KLHL6: variants seen among roughly 807,000 people sequenced by gnomAD.
The protein encoded by KLHL6 is kelch-like protein 6.
KLHL6 carries 41 observed loss-of-function variants against 58.6 expected under a neutral mutation model. The ratio of observed to expected loss-of-function variants is 0.70; its 90% CI spans 0.55 to 0.91. The LOEUF (loss-of-function observed/expected upper bound fraction) is 0.91, where lower values mean the gene tolerates loss of function less well. Ranked by LOEUF, KLHL6 falls within the 40% of genes least tolerant of loss-of-function variation. The probability of loss-of-function intolerance (pLI) is 0.00; values close to 1 mark genes in which losing one functional copy is unlikely to be tolerated. For synonymous variants in KLHL6, 338 were observed against 322.7 expected (o/e 1.05, Z -0.51); for missense variants, 714 against 805.6 (o/e 0.89, Z 1.38).
Position 183,555,692 on chromosome 3 carries a change from T to C in KLHL6, c.-39A>G. The stretch of plus-strand genomic sequence containing the variant: ...GCGCCCAAGTGTCAGGCAGGCCCCA[T>C]TGCAGGAGCTGAGCGGATTTCCTGT... On this transcript the variant is annotated 5_prime_UTR_variant, in exon 1 of 7. An upstream start codon of the reference 5' UTR is lost. Coordinates refer to ENST00000341319, the MANE Select transcript of KLHL6 (RefSeq NM_130446.4). The C allele has an allele frequency of 3.3e-6, 5 of 1,534,138 alleles. No individual in the cohort carries two copies. Among genetic ancestry groups the C allele is most frequent in the Non-Finnish European group, 3.5e-6 (4 of 1,145,586 alleles).
Position 183,491,716 on chromosome 3 carries a change from C to A in KLHL6, c.*211G>T, listed in dbSNP as rs78516882. On this transcript the variant is annotated 3_prime_UTR_variant, in exon 7 of 7. Coordinates refer to ENST00000341319, the MANE Select transcript of KLHL6 (RefSeq NM_130446.4). ...TGCTAAATATTACTCTTCCTCGCCT[C>A]CCCTCCTGAGGTAGGTCATGCAAAC... 5.4e-3 allele frequency: 2,277 copies of A among 422,900 alleles called. 44 individuals are homozygous for A. Among genetic ancestry groups the A allele is most frequent in the African/African-American group, 0.042 (2,074 of 49,526 alleles). 26.2% of individuals were successfully genotyped at this position (422,900 alleles called of 1,614,324 possible).
At chr3:183,530,713 A>G (rs1197210962) in intron 1 of KLHL6, among the ~76,000 whole-genome samples, 1 of 152,234 alleles carries the variant, frequency 6.6e-6, no homozygotes, top group Non-Finnish European at 1.5e-5. Context: ...TTATAGGAAC[A>G]GAAAGAAACA....
At chr3:183,522,054 G>A (rs1234789517) in intron 2 of KLHL6, among the ~76,000 whole-genome samples, 3 of 150,542 alleles carry the variant, frequency 2.0e-5, no homozygotes, top group South Asian at 4.3e-4. Flanking sequence ...GGCTGGGCAC[G>A]GTGGCTCAGG....
At chr3:183,523,568 G>A (rs1173657879) in intron 2 of KLHL6, among the ~76,000 whole-genome samples, 1 of 152,144 alleles carries the variant, frequency 6.6e-6, no homozygotes, top group East Asian at 1.9e-4. Context: ...ATGTACCGTA[G>A]GGATCCTTAC....
chr3:183,501,212 G>T (rs1235357690), intron 3 of KLHL6, among the ~76,000 whole-genome samples: 1 of 152,194 alleles, frequency 6.6e-6, no homozygotes, highest in African/African-American at 2.4e-5. Flanking sequence ...GGTGGGCCAG[G>T]GAACCTGGAG....
chr3:183,527,465 G>C (rs1269572599), intron 2 of KLHL6, among the ~76,000 whole-genome samples: 1 of 152,134 alleles, frequency 6.6e-6, no homozygotes, highest in Non-Finnish European at 1.5e-5. Context: ...CACCCTCGAT[G>C]AAACCAGGAG....
intron 1 of KLHL6, among the ~76,000 whole-genome samples, chr3:183,529,964 C>T (rs1712104611): frequency 6.6e-6 from 1 of 152,014 alleles, no homozygotes; most frequent in African/African-American, 2.4e-5. Context: ...CGTGCTGCCC[C>T]GTGTGAGGAC....
At chr3:183,532,018 G>A (rs554899123) in intron 1 of KLHL6, among the ~76,000 whole-genome samples, 1 of 152,224 alleles carries the variant, frequency 6.6e-6, no homozygotes, top group Non-Finnish European at 1.5e-5. Flanking sequence ...AGAAGGACAC[G>A]AATTTGGGGG....
chr3:183,525,198 A>G (rs1711913096), intron 2 of KLHL6, among the ~76,000 whole-genome samples: 1 of 151,164 alleles, frequency 6.6e-6, no homozygotes, highest in Non-Finnish European at 1.5e-5. Flanking sequence ...CGGGAGGCGG[A>G]GGTTGCAGTG....
chr3:183,521,552 A>C (rs1042978267), intron 2 of KLHL6: 6 of 152,232 alleles, frequency 3.9e-5, no homozygotes, highest in African/African-American at 1.4e-4. Flanking sequence ...TGTGCACTGG[A>C]GAACACACAG....
intron 1 of KLHL6, among the ~76,000 whole-genome samples, chr3:183,548,415 A>G (rs1271341881): frequency 1.3e-5 from 2 of 152,136 alleles, no homozygotes; most frequent in Non-Finnish European, 2.9e-5. Context: ...AAAAGCTTCC[A>G]GGCTGAGGCT....
intron 2 of KLHL6, among the ~76,000 whole-genome samples, chr3:183,519,290 T>A (rs1711663375): frequency 6.6e-6 from 1 of 152,146 alleles, no homozygotes; most frequent in Non-Finnish European, 1.5e-5. Context: ...CAAGGACCAA[T>A]GACCAGAATC....
rs115042626 is a variant in KLHL6 at position 183,516,980 on chromosome 3, C to T, written c.460-8472G>A. On this transcript the variant is annotated intron_variant, in intron 2 of 6. Coordinates refer to ENST00000341319, the MANE Select transcript of KLHL6 (RefSeq NM_130446.4). ...GCTGGAGTGCATGGTGTGATCTCAA[C>T]TCAATGCAACCTTCACCTCCCGGGT... 7.7e-3 allele frequency among the ~76,000 whole-genome samples: 1,174 copies of T among 152,290 alleles called. 10 individuals are homozygous for T. Among genetic ancestry groups the T allele is most frequent in the African/African-American group, 0.027 (1,128 of 41,548 alleles).
Position 183,492,355 on chromosome 3 carries a change from G to A in KLHL6, c.1565-127C>T. 1 of 1,300,246 alleles carries A rather than the reference G, an allele frequency of 7.7e-7. No homozygotes were observed. Among genetic ancestry groups the A allele is most frequent in the Non-Finnish European group, 1.1e-6 (1 of 943,858 alleles). The allele number at this position is 1,300,246 out of a possible 1,614,324, so 80.5% of individuals were successfully genotyped here. ...TTGCCAAGAGAAACAGTCGATTGAT[G>A]GCTCTCCTGAAAGCCAGAGTGGGTC... On this transcript the variant is annotated intron_variant, in intron 6 of 6. Transcript: ENST00000341319. This position sits in a 1 kb window ranked among gnomAD's most constrained non-coding sequence, Gnocchi z 5.9.
chr3:183,518,679 C>T (rs1478743427), intron 2 of KLHL6, among the ~76,000 whole-genome samples: 2 of 152,156 alleles, frequency 1.3e-5, no homozygotes, highest in Non-Finnish European at 2.9e-5. Flanking sequence ...AATAGACTTT[C>T]AGAACTTAAA....
At chr3:183,547,473 T>C (rs1712764858) in intron 1 of KLHL6, among the ~76,000 whole-genome samples, 1 of 152,230 alleles carries the variant, frequency 6.6e-6, no homozygotes, top group African/African-American at 2.4e-5. Flanking sequence ...ATAGTTTACA[T>C]GCAATTTTGC....
At position 183,519,827 on chromosome 3, in the gene KLHL6, T is replaced by G. The variant is rs1711692290; in HGVS notation, c.459+8018A>C. On this transcript the variant is annotated intron_variant, in intron 2 of 6. Coordinates refer to ENST00000341319, the MANE Select transcript of KLHL6 (RefSeq NM_130446.4). ...AGGAAAATCTCTTGAGCCTGGGAGTTCAAGGCTGCAGTGAGCTATGATTGT... is the reference window on the plus strand; with the variant it reads ...AGGAAAATCTCTTGAGCCTGGGAGTGCAAGGCTGCAGTGAGCTATGATTGT... Among the ~76,000 whole-genome samples the G allele has an allele frequency of 2.1e-5, 3 of 144,404 alleles. No individual in the cohort carries two copies. The Admixed American group carries it at 2.2e-4, about 10-fold the overall frequency. The allele number at this position is 144,404 out of a possible 152,430, so 94.7% of individuals were successfully genotyped here.
chr3:183,555,278 C>T (rs1713068307), intron 1 of KLHL6, 83 bp downstream of exon 1: 5 of 1,133,340 alleles, frequency 4.4e-6, no homozygotes, highest in Non-Finnish European at 6.4e-6. Flanking sequence ...TCATGGCCAA[C>T]TGTTCAAGAT....
At position 183,554,356 on chromosome 3, in the gene KLHL6, G is replaced by A. The variant is rs753109897; in HGVS notation, c.293+1005C>T. The stretch of plus-strand genomic sequence containing the variant: ...CTACTTACTATATGCTAGACACTGT[G>A]TAGGACCCTTTTCACGCTCTTGTTT... On this transcript the variant is annotated intron_variant, in intron 1 of 6. Transcript: ENST00000341319. Among the ~76,000 whole-genome samples the A allele has an allele frequency of 6.0e-4, 91 of 152,318 alleles. 1 individual carries two copies. Among genetic ancestry groups the A allele is most frequent in the Non-Finnish European group, 2.6e-4 (18 of 68,038 alleles).
Sources: allele counts gnomAD v4.1 joint callset (sites outside exome capture counted in the v4.1 genomes callset), GRCh38; gene constraint gnomAD v4.1.1; non-coding constraint Gnocchi (gnomAD v3.1); transcripts MANE v1.5; gene names NCBI Gene and HGNC (gene_info 2026-07-23, HGNC 2026-07-21).